Variants in SLC23A1 observed in about 807,000 individuals in gnomAD.
SLC23A1 encodes the protein Na(+)/L-ascorbic acid transporter 1.
In SLC23A1, 31 loss-of-function variants were observed where a neutral mutation model predicts 62.5. That is an observed-to-expected ratio of 0.50 (90% CI 0.37 to 0.67). The LOEUF (loss-of-function observed/expected upper bound fraction) is 0.67. SLC23A1 is among the 30% of genes least tolerant of loss of function. The pLI, the probability that SLC23A1 is intolerant of heterozygous loss-of-function variation, is 0.00. For missense variants in SLC23A1, 640 were observed against 782.7 expected (o/e 0.82, Z 2.18); for synonymous variants, 271 against 313.2 (o/e 0.87, Z 1.42).
At chr5:139,376,852 G>A (rs1305268162) in intron 13 of SLC23A1, among the ~76,000 whole-genome samples, 3 of 152,214 alleles carry the variant, frequency 2.0e-5, no homozygotes, top group African/African-American at 4.8e-5. Context: ...GCCAGGTGCA[G>A]TGGCTCATGC....
chr5:139,385,187 A>G (rs1383133265), upstream of SLC23A1, among the ~76,000 whole-genome samples: 3 of 152,216 alleles, frequency 2.0e-5, no homozygotes, highest in Non-Finnish European at 4.4e-5. Flanking sequence ...AAATAAAAAT[A>G]TTTCTAAAAA....
Position 139,377,438 on chromosome 5 carries a change from C to A in SLC23A1, c.1513G>T (p.Gly505Trp). 1 of 1,610,874 alleles carries A rather than the reference C, an allele frequency of 6.2e-7. No individual in the cohort carries two copies. The highest frequency in any genetic ancestry group is 8.5e-7 in the Non-Finnish European group (1 of 1,176,988). The part of the protein sequence containing the change: ...VLLTTEMFVG[G>W]CLAFILDNTV... Reference sequence around the variant, plus strand: ...TTGTCAAGTATGAAAGCAAGGCACCCGCCCACAAACATCTCCGTGGTCAGC... The same window carrying A: ...TTGTCAAGTATGAAAGCAAGGCACCAGCCCACAAACATCTCCGTGGTCAGC... The change falls in exon 13 of 15, where the codon GGG becomes TGG. Residue 505 changes from glycine (G) to tryptophan (W), a missense_variant. Coordinates refer to ENST00000348729, the MANE Select transcript of SLC23A1 (RefSeq NM_005847.5).
intron 14 of SLC23A1, among the ~76,000 whole-genome samples, chr5:139,370,151 G>C (rs1431892760): frequency 1.3e-5 from 2 of 152,174 alleles, no homozygotes; most frequent in African/African-American, 4.8e-5. Flanking sequence ...GTGGGCACCT[G>C]TACCCCAGTG....
rs1244907699 is a variant in SLC23A1 at position 139,382,061 on chromosome 5, G to A, written c.151-12C>T. ...CATGTCAGGTAGTGCTGGGCAGAGG[G>A]AGACAGCAGAGTGCATGAGGCAGGA... is the stretch of plus-strand genomic sequence containing the variant. On this transcript the variant is annotated splice_polypyrimidine_tract_variant and intron_variant, in intron 2 of 14. Coordinates refer to ENST00000348729, the MANE Select transcript of SLC23A1 (RefSeq NM_005847.5). 2 of 1,603,508 alleles carry A rather than the reference G, an allele frequency of 1.2e-6. No homozygotes were observed. The highest frequency in any genetic ancestry group is 3.4e-5 in the Admixed American group (2 of 58,396).
chr5:139,378,517 T>C lies in SLC23A1; in HGVS notation c.1179+62A>G. On this transcript the variant is annotated intron_variant, in intron 10 of 14. Transcript: ENST00000348729. The surrounding 1 kb of genome is among the most constrained non-coding windows in gnomAD (Gnocchi z 4.5). ...GGGCTAAACCAAAGTGGGGACCGAG[T>C]TGGGGCGGGGCCTGCGGCCCACGGA... The C allele has an allele frequency of 7.0e-7, 1 of 1,434,368 alleles. No homozygotes were observed. The highest frequency in any genetic ancestry group is 1.3e-5 in the South Asian group (1 of 74,336). The allele number at this position is 1,434,368 out of a possible 1,614,324, so 88.9% of individuals were successfully genotyped here.
upstream of SLC23A1, among the ~76,000 whole-genome samples, chr5:139,383,864 T>G (rs1327537013): frequency 6.6e-6 from 1 of 152,228 alleles, no homozygotes; most frequent in Non-Finnish European, 1.5e-5. Flanking sequence ...AAATTCAGGT[T>G]GGTCTGAGCT....
At chr5:139,372,308 A>G in intron 13 of SLC23A1, 55 bp from the exon 14 acceptor site, 1 of 1,542,406 alleles carries the variant, frequency 6.5e-7, no homozygotes, top group Non-Finnish European at 8.8e-7. Flanking sequence ...AGCCACCCCC[A>G]CTTCCCATAA....
At position 139,378,425 on chromosome 5, in the gene SLC23A1, G is replaced by GT; in HGVS notation, c.1180-75dup. 1.3e-6 allele frequency: 2 copies of GT among 1,515,204 alleles called. No homozygotes were observed. Among genetic ancestry groups the GT allele is most frequent in the Non-Finnish European group, 1.8e-6 (2 of 1,121,630 alleles). The allele number at this position is 1,515,204 out of a possible 1,614,324, so 93.9% of individuals were successfully genotyped here. A position where few individuals can be genotyped will look rare whatever the true frequency, so the allele number is the denominator to read the frequency against. On this transcript the variant is annotated intron_variant, in intron 10 of 14. Transcript: ENST00000348729. This position sits in a 1 kb window ranked among gnomAD's most constrained non-coding sequence, Gnocchi z 4.5. The stretch of plus-strand genomic sequence containing the variant: ...GGGGTTAGTTCCAGGGGCGGGGCCT[G>GT]TTATAAGAGCGAGGCATAAACCGGC...
intron 14 of SLC23A1, 87 bp downstream of exon 14, chr5:139,371,900 A>G: frequency 3.1e-6 from 3 of 975,640 alleles, no homozygotes; most frequent in Non-Finnish European, 4.7e-6. Context: ...CAAGAAAGAG[A>G]ACTGAGTAGT....
At chr5:139,375,250 C>T (rs1757891427) in intron 13 of SLC23A1, among the ~76,000 whole-genome samples, 1 of 152,218 alleles carries the variant, frequency 6.6e-6, no homozygotes, top group Admixed American at 6.5e-5. Context: ...CATTAACTCC[C>T]ATCTCCATGG....
intron 14 of SLC23A1, among the ~76,000 whole-genome samples, chr5:139,368,225 C>G (rs1475126412): frequency 6.6e-6 from 1 of 152,120 alleles, no homozygotes. Context: ...GTAGTCCCAG[C>G]TACTCAGGAG....
Position 139,382,527 on chromosome 5 carries a change from G to T in SLC23A1, c.115C>A (p.Pro39Thr). 6.2e-7 allele frequency: 1 copy of T among 1,613,346 alleles called. No individual in the cohort carries two copies. Among genetic ancestry groups the T allele is most frequent in the Non-Finnish European group, 8.5e-7 (1 of 1,179,468 alleles). ...AGCAGGATGCACAGGTACCAAGGTG[G>T]CACGTCCTCGATCTTGTACAACATG... ...FDMLYKIEDVPPWYLCILLGF... is the reference protein window; with the variant it reads ...FDMLYKIEDVTPWYLCILLGF... Residue 39 changes from proline to threonine, a missense_variant, in exon 2 of 15, where the codon CCA becomes ACA. Physicochemically the swap from Pro to Thr is conservative, Grantham distance 38 (BLOSUM62 -1). Coordinates refer to ENST00000348729, the MANE Select transcript of SLC23A1 (RefSeq NM_005847.5).
Position 139,379,741 on chromosome 5 carries a change from C to A in SLC23A1, c.862G>T (p.Ala288Ser). The A allele has an allele frequency of 1.2e-6, 2 of 1,613,998 alleles. No homozygotes were observed. The highest frequency in any genetic ancestry group is 1.1e-5 in the South Asian group (1 of 91,078). Reference sequence around the variant, plus strand: ...ATGTCACCACGGGCATCGGTTCGTGCCTGGAAGCCATAGGCTTTTGGGTCT... The same window carrying A: ...ATGTCACCACGGGCATCGGTTCGTGACTGGAAGCCATAGGCTTTTGGGTCT... The part of the protein sequence containing the change: ...PTDPKAYGFQ[A>S]RTDARGDIMA... Residue 288 changes from alanine to serine, a missense_variant, in exon 8 of 15, where the codon GCA becomes TCA. By Grantham distance (99) the Ala-to-Ser change is moderately conservative. Transcript: ENST00000348729. The surrounding 1 kb of genome is among the most constrained non-coding windows in gnomAD (Gnocchi z 4.7).
chr5:139,383,402 G>T (rs903078889), upstream of SLC23A1: 2 of 1,448,678 alleles, frequency 1.4e-6, no homozygotes, highest in Admixed American at 2.5e-5. Flanking sequence ...AGGGGGGCCC[G>T]GGCAGAGGTA....
At position 139,368,718 on chromosome 5, in the gene SLC23A1, G is replaced by A. The variant is rs777691736; in HGVS notation, c.*20-1087C>T. ...TGTGTTAATGAACTTGCTTTTTTAT[G>A]TACTTATTTTCCAGGTCAAGAGCAA... On this transcript the variant is annotated intron_variant, in intron 14 of 14. Transcript: ENST00000348729. 8.8e-6 allele frequency: 14 copies of A among 1,596,218 alleles called. No homozygotes were observed. In the East Asian group the frequency reaches 1.6e-4, roughly 18 times the overall value.
rs1281478024 is a variant in SLC23A1, at chr5:139,378,956, A to C, written c.1073+251T>G. 6.6e-6 allele frequency among the ~76,000 whole-genome samples: 1 copy of C among 152,230 alleles called. No individual in the cohort carries two copies. Among genetic ancestry groups the C allele is most frequent in the Non-Finnish European group, 1.5e-5 (1 of 68,036 alleles). ...CTTCAAAGATTGCATAAGAATGCAC[A>C]GTCAGAGCCGGGCACATGGAGGGCT... On this transcript the variant is annotated intron_variant, in intron 9 of 14. Coordinates refer to ENST00000348729, the MANE Select transcript of SLC23A1 (RefSeq NM_005847.5). The surrounding 1 kb of genome is among the most constrained non-coding windows in gnomAD (Gnocchi z 4.5).
At chr5:139,380,106 A>G (rs771403618) in intron 6 of SLC23A1, 30 bp from the exon 7 acceptor site, 3 of 1,592,984 alleles carry the variant, frequency 1.9e-6, no homozygotes, top group Admixed American at 1.8e-5. Flanking sequence ...CAGGAAGTGG[A>G]TGGGAGGCCA....
At chr5:139,376,957 A>C (rs1248138452) in intron 13 of SLC23A1, among the ~76,000 whole-genome samples, 1 of 151,992 alleles carries the variant, frequency 6.6e-6, no homozygotes, top group Non-Finnish European at 1.5e-5. Context: ...CCCCATCTCT[A>C]CCAAAAATAT....
At position 139,379,545 on chromosome 5, in the gene SLC23A1, ACAC is replaced by A. The variant is rs1405871861; in HGVS notation, c.925+130_925+132del. The A allele has an allele frequency of 2.8e-6, 3 of 1,081,704 alleles. No individual in the cohort carries two copies. In the Admixed American group the frequency reaches 5.9e-5, roughly 21 times the overall value. The allele number at this position is 1,081,704 out of a possible 1,614,324, so 67.0% of individuals were successfully genotyped here. A position where few individuals can be genotyped will look rare whatever the true frequency, so the allele number is the denominator to read the frequency against. ...GGGACTGAAGCTTTGTCTAAGTAAA[ACAC>A]CACTCTGCTGGGCGCACTATAAATG... On this transcript the variant is annotated intron_variant, in intron 8 of 14. Coordinates refer to ENST00000348729, the MANE Select transcript of SLC23A1 (RefSeq NM_005847.5). This position sits in a 1 kb window ranked among gnomAD's most constrained non-coding sequence, Gnocchi z 4.7.
Sources: allele counts gnomAD v4.1 joint callset (sites outside exome capture counted in the v4.1 genomes callset), GRCh38; gene constraint gnomAD v4.1.1; non-coding constraint Gnocchi (gnomAD v3.1); transcripts MANE v1.5; gene names NCBI Gene and HGNC (gene_info 2026-07-23, HGNC 2026-07-21).